STRN: variants seen among roughly 807,000 people sequenced by gnomAD.
STRN encodes the protein striatin.
A neutral mutation model predicts 96.3 loss-of-function variants in STRN; 53 were observed. That is an observed-to-expected ratio of 0.55 (90% CI 0.44 to 0.69). The LOEUF (loss-of-function observed/expected upper bound fraction) is 0.69. Among genes scored for constraint, STRN ranks in the 30% least tolerant of loss-of-function variants. The pLI is 0.00. For missense variants in STRN, 987 were observed against 963.9 expected (o/e 1.02, Z -0.32); for synonymous variants, 428 against 355.9 (o/e 1.20, Z -2.28).
chr2:36,959,756 T>C (rs1051157842), intron 1 of STRN, among the ~76,000 whole-genome samples: 1 of 152,196 alleles, frequency 6.6e-6, no homozygotes, highest in Admixed American at 6.5e-5. Flanking sequence ...CACCAAACTT[T>C]TATAGATAAT....
chr2:36,948,213 T>C (rs945773142), intron 1 of STRN, among the ~76,000 whole-genome samples: 1 of 149,286 alleles, frequency 6.7e-6, no homozygotes, highest in Non-Finnish European at 1.5e-5. Flanking sequence ...GTGATTCTCC[T>C]GCCTCAGCCA....
chr2:36,906,389 G>A (rs755231125), intron 3 of STRN, among the ~76,000 whole-genome samples: 2 of 152,124 alleles, frequency 1.3e-5, no homozygotes, highest in African/African-American at 2.4e-5. Flanking sequence ...AGCCTGGGAA[G>A]ACGAGGCTGC....
At chr2:36,921,207 G>A (rs545609357) in intron 2 of STRN, among the ~76,000 whole-genome samples, 2 of 152,232 alleles carry the variant, frequency 1.3e-5, no homozygotes, top group Non-Finnish European at 1.5e-5. Flanking sequence ...GTACCAATAA[G>A]CTTCCAACTG....
At chr2:36,927,842 T>C (rs1043962801) in intron 1 of STRN, among the ~76,000 whole-genome samples, 3 of 152,224 alleles carry the variant, frequency 2.0e-5, no homozygotes, top group African/African-American at 7.2e-5. Context: ...TGTAAATGCA[T>C]ATACCCTTTA....
At chr2:36,922,923 C>T (rs1161343124) in intron 2 of STRN, among the ~76,000 whole-genome samples, 1 of 151,446 alleles carries the variant, frequency 6.6e-6, no homozygotes, top group Non-Finnish European at 1.5e-5. Context: ...GCAGGCGGAT[C>T]ACGAAGTCAA....
intron 12 of STRN, 108 bp downstream of exon 12, chr2:36,867,706 A>C: frequency 1.5e-6 from 1 of 669,236 alleles, no homozygotes; most frequent in Non-Finnish European, 2.3e-6. Flanking sequence ...CATTAAAAAA[A>C]CACTCCTAAA....
chr2:36,871,842 C>G (rs183523928), intron 10 of STRN, among the ~76,000 whole-genome samples: 69 of 152,198 alleles, frequency 4.5e-4, no homozygotes, highest in Non-Finnish European at 8.4e-4. Context: ...CAAACCCAAG[C>G]AGTCTGAATT....
At position 36,849,049 on chromosome 2, in the gene STRN, G is replaced by A. The variant is rs1412527059; in HGVS notation, c.*407C>T. 6.0e-6 allele frequency: 1 copy of A among 167,186 alleles called. No homozygotes were observed. The highest frequency in any genetic ancestry group is 2.4e-5 in the African/African-American group (1 of 41,812). The allele number at this position is 167,186 out of a possible 1,614,324, so 10.4% of individuals were successfully genotyped here. Reference sequence around the variant, plus strand: ...TGTGTTTTAACAAGATTTCTCAGGGGAGAACTTGGTCTAAGTTTCCCGTTT... The same window carrying A: ...TGTGTTTTAACAAGATTTCTCAGGGAAGAACTTGGTCTAAGTTTCCCGTTT... On this transcript the variant is annotated 3_prime_UTR_variant, in exon 18 of 18. Transcript: ENST00000263918.
intron 15 of STRN, among the ~76,000 whole-genome samples, chr2:36,851,989 G>C (rs1668233586): frequency 6.6e-6 from 1 of 152,166 alleles, no homozygotes; most frequent in Non-Finnish European, 1.5e-5. Flanking sequence ...TACACACAAT[G>C]AGACAGGCAA....
chr2:36,883,715 G>A (rs989340983), intron 9 of STRN, among the ~76,000 whole-genome samples: 2 of 152,166 alleles, frequency 1.3e-5, no homozygotes, highest in Admixed American at 6.5e-5. Flanking sequence ...CCAGAATTTA[G>A]AGTTGGTTTT....
At chr2:36,961,435 A>C (rs1016863391) in intron 1 of STRN, among the ~76,000 whole-genome samples, 1 of 151,870 alleles carries the variant, frequency 6.6e-6, no homozygotes, top group Non-Finnish European at 1.5e-5. Flanking sequence ...GCCCTCTAAA[A>C]ACTGTTAAGT....
intron 4 of STRN, among the ~76,000 whole-genome samples, chr2:36,904,682 G>C (rs1669772286): frequency 6.6e-6 from 1 of 151,978 alleles, no homozygotes; most frequent in Non-Finnish European, 1.5e-5. Context: ...AAAAAAATGA[G>C]ACAGGCATAG....
intron 1 of STRN, among the ~76,000 whole-genome samples, chr2:36,955,442 C>A (rs568664914): frequency 2.6e-4 from 40 of 152,256 alleles, no homozygotes; most frequent in African/African-American, 8.9e-4. Context: ...CCCTGTCAGC[C>A]CTAGAATTCT....
intron 1 of STRN, among the ~76,000 whole-genome samples, chr2:36,929,985 A>G (rs62132555): frequency 6.6e-6 from 1 of 152,262 alleles, no homozygotes; most frequent in Non-Finnish European, 1.5e-5. Flanking sequence ...ACAGTGTACA[A>G]TGAAGTTTCA....
intron 3 of STRN, among the ~76,000 whole-genome samples, chr2:36,906,452 C>G (rs893486841): frequency 4.2e-5 from 5 of 119,620 alleles, no homozygotes; most frequent in African/African-American, 1.5e-4. Context: ...GAGGGAGGCT[C>G]TGTCTCAAAA....
At chr2:36,873,021 G>A (rs1053442720) in intron 10 of STRN, among the ~76,000 whole-genome samples, 68 of 151,108 alleles carry the variant, frequency 4.5e-4, no homozygotes, top group African/African-American at 1.6e-3. Context: ...CAGATTTGAA[G>A]TGTCATGGGG....
chr2:36,948,647 G>C (rs575057466), intron 1 of STRN, among the ~76,000 whole-genome samples: 4 of 152,184 alleles, frequency 2.6e-5, no homozygotes, highest in Non-Finnish European at 5.9e-5. Context: ...TCCTAGAACA[G>C]TTACTTGCAT....
chr2:36,943,850 C>T (rs1423934144), intron 1 of STRN, among the ~76,000 whole-genome samples: 1 of 152,136 alleles, frequency 6.6e-6, no homozygotes, highest in African/African-American at 2.4e-5. Context: ...AGCACAGTGG[C>T]TCACACCTAT....
chr2:36,859,262 C>G (rs941401753), intron 13 of STRN, among the ~76,000 whole-genome samples: 1 of 151,992 alleles, frequency 6.6e-6, no homozygotes, highest in Non-Finnish European at 1.5e-5. Context: ...TAGACAGAAT[C>G]AAGACAAAGG....
Sources: allele counts gnomAD v4.1 joint callset (sites outside exome capture counted in the v4.1 genomes callset), GRCh38; gene constraint gnomAD v4.1.1; transcripts MANE v1.5; gene names NCBI Gene and HGNC (gene_info 2026-07-23, HGNC 2026-07-21).